The following PVT1 variants were observed in gnomAD, a reference collection of about 807,000 sequenced individuals.
PVT1 encodes the protein Pvt1 oncogene.
intron 3 of PVT1, among the ~76,000 whole-genome samples, chr8:127,917,200 C>A (rs1202944161): frequency 6.6e-6 from 1 of 152,158 alleles, no homozygotes; most frequent in African/African-American, 2.4e-5. Flanking sequence ...TCTAATCCAT[C>A]CACGCAACCA....
chr8:127,838,045 G>A (rs1057303137), intron 2 of PVT1, among the ~76,000 whole-genome samples: 2 of 151,884 alleles, frequency 1.3e-5, no homozygotes, highest in East Asian at 3.9e-4. Context: ...TTACAGGCAT[G>A]CGCCACCATG....
chr8:127,857,914 C>T (rs1815178828), intron 2 of PVT1, among the ~76,000 whole-genome samples: 1 of 152,072 alleles, frequency 6.6e-6, no homozygotes, highest in Non-Finnish European at 1.5e-5. Flanking sequence ...TGCTCTGATT[C>T]GTATGGTGGA....
chr8:127,896,774 T>TC (rs71566652), intron 3 of PVT1, among the ~76,000 whole-genome samples: 3,482 of 112,044 alleles, frequency 0.031, 36 homozygotes, highest in Non-Finnish European at 0.038. Flanking sequence ...ATGCCTTTCC[T>TC]CCCCCCCCCC....
intron 2 of PVT1, among the ~76,000 whole-genome samples, chr8:127,884,352 T>A (rs1006558990): frequency 6.6e-6 from 1 of 152,262 alleles, no homozygotes; most frequent in Non-Finnish European, 1.5e-5. Context: ...GTGCATATTT[T>A]AAAAAATCCA....
intron 3 of PVT1, among the ~76,000 whole-genome samples, chr8:127,910,098 G>A (rs16902464): frequency 0.017 from 2,660 of 152,142 alleles, 98 homozygotes; most frequent in African/African-American, 0.061. Context: ...CACCACGTCC[G>A]TCCTCATCCT....
chr8:127,904,184 G>A (rs1216418417), intron 3 of PVT1, among the ~76,000 whole-genome samples: 2 of 152,148 alleles, frequency 1.3e-5, no homozygotes, highest in Non-Finnish European at 2.9e-5. Flanking sequence ...ATGTGTGTAT[G>A]AAGCCCTGTT....
intron 3 of PVT1, among the ~76,000 whole-genome samples, chr8:127,895,602 G>GT (rs980755397): frequency 5.3e-5 from 8 of 152,092 alleles, no homozygotes; most frequent in South Asian, 4.2e-4. Context: ...GGGAATACTA[G>GT]TTTTTTTTAA....
At chr8:127,966,608 C>T (rs1254086287) in intron 3 of PVT1, among the ~76,000 whole-genome samples, 1 of 152,202 alleles carries the variant, frequency 6.6e-6, no homozygotes, top group Non-Finnish European at 1.5e-5. Flanking sequence ...TTGCCCTTAG[C>T]CACGTGGGGC....
intron 4 of PVT1, among the ~76,000 whole-genome samples, chr8:128,008,492 G>A (rs1817273840): frequency 6.6e-6 from 1 of 152,196 alleles, no homozygotes; most frequent in African/African-American, 2.4e-5. Flanking sequence ...AGAAAGAACT[G>A]TCCCCTTCTC....
intron 2 of PVT1, among the ~76,000 whole-genome samples, chr8:127,810,267 A>G (rs1381232934): frequency 6.6e-6 from 1 of 152,254 alleles, no homozygotes; most frequent in Non-Finnish European, 1.5e-5. Context: ...TACTTTCTGC[A>G]TTAGGAAGAC....
intron 5 of PVT1, among the ~76,000 whole-genome samples, chr8:128,083,050 A>G (rs935661793): frequency 5.3e-5 from 8 of 152,140 alleles, no homozygotes; most frequent in African/African-American, 1.9e-4. Context: ...CATGGTACCT[A>G]TGTGCCAAAG....
At chr8:127,861,555 G>A (rs1213757178) in intron 2 of PVT1, among the ~76,000 whole-genome samples, 3 of 130,718 alleles carry the variant, frequency 2.3e-5, no homozygotes, top group Non-Finnish European at 3.5e-5. Context: ...TTTTGTTTTT[G>A]ACATGTTTTT....
At chr8:128,026,720 A>G (rs1307364113) in intron 4 of PVT1, among the ~76,000 whole-genome samples, 1 of 152,158 alleles carries the variant, frequency 6.6e-6, no homozygotes, top group African/African-American at 2.4e-5. Flanking sequence ...AGGCCAGAAA[A>G]GTTCAAATAT....
exon 1 of PVT1, chr8:127,794,657 C>A (rs1196706903): frequency 6.5e-6 from 1 of 152,904 alleles, no homozygotes; most frequent in Non-Finnish European, 1.5e-5. Flanking sequence ...ACCCCCGGCA[C>A]CTTCCAGTGG....
chr8:128,040,959 GTT>G (rs758598284), intron 4 of PVT1, among the ~76,000 whole-genome samples: 13 of 150,756 alleles, frequency 8.6e-5, no homozygotes, highest in Non-Finnish European at 1.5e-4. Context: ...GCTTGGGTGT[GTT>G]TGTGTGCATA....
intron 2 of PVT1, among the ~76,000 whole-genome samples, chr8:127,880,263 TGGA>T: frequency 6.6e-6 from 1 of 152,310 alleles, no homozygotes; most frequent in South Asian, 2.1e-4. Flanking sequence ...TCTGTGTAGC[TGGA>T]ATTAATCACC....
At chr8:127,922,124 G>A (rs1235460264) in intron 3 of PVT1, among the ~76,000 whole-genome samples, 1 of 152,052 alleles carries the variant, frequency 6.6e-6, no homozygotes, top group African/African-American at 2.4e-5. Flanking sequence ...CTCCCAAAAT[G>A]CAGGGATTAC....
chr8:127,918,008 G>C (rs1816009460), intron 3 of PVT1, among the ~76,000 whole-genome samples: 1 of 152,262 alleles, frequency 6.6e-6, no homozygotes, highest in Admixed American at 6.5e-5. Context: ...GCAGATGAAA[G>C]ACTGCGTGTA....
chr8:128,007,565 A>G (rs541021551), intron 4 of PVT1, among the ~76,000 whole-genome samples: 1 of 152,276 alleles, frequency 6.6e-6, no homozygotes, highest in East Asian at 1.9e-4. Context: ...AGCAAGACAG[A>G]ACAATATAGT....
Sources: allele counts gnomAD v4.1 joint callset (sites outside exome capture counted in the v4.1 genomes callset), GRCh38; gene constraint gnomAD v4.1.1; transcripts MANE v1.5; gene names NCBI Gene and HGNC (gene_info 2026-07-23, HGNC 2026-07-21).